The following P4HA3 variants were observed in gnomAD, a reference collection of about 807,000 sequenced individuals.
P4HA3 encodes the protein prolyl 4-hydroxylase subunit alpha 3, also known as prolyl 4-hydroxylase subunit alpha-3.
In P4HA3, 60 loss-of-function variants were observed where a neutral mutation model predicts 66.7. The ratio of observed to expected loss-of-function variants is 0.90; its 90% CI spans 0.73 to 1.12. The LOEUF (loss-of-function observed/expected upper bound fraction) is 1.12, where lower values mean the gene tolerates loss of function less well. P4HA3 is among the 50% of genes most tolerant of loss of function. The pLI is 0.00. For synonymous variants in P4HA3, 263 were observed against 274.6 expected (o/e 0.96, Z 0.42); for missense variants, 683 against 685.8 (o/e 1.00, Z 0.05).
chr11:74,256,563 A>G (rs1423845602), intron 15 of P4HA3, among the ~76,000 whole-genome samples: 2 of 152,142 alleles, frequency 1.3e-5, no homozygotes, highest in African/African-American at 4.8e-5. Flanking sequence ...TTCACTTAAC[A>G]TGGCTTTAAC....
chr11:74,268,833 C>A (rs1453325968), intron 11 of P4HA3, among the ~76,000 whole-genome samples: 1 of 152,164 alleles, frequency 6.6e-6, no homozygotes, highest in Non-Finnish European at 1.5e-5. Flanking sequence ...GTATGTTTTT[C>A]CCCCATACAC....
At chr11:74,307,037 G>C (rs1565424398) in intron 1 of P4HA3, among the ~76,000 whole-genome samples, 1 of 152,092 alleles carries the variant, frequency 6.6e-6, no homozygotes, top group Non-Finnish European at 1.5e-5. Flanking sequence ...GCGGAGACTT[G>C]GGCTTGAGTC....
chr11:74,311,227 C>A, intron 1 of P4HA3, 185 bp downstream of exon 1: 1 of 672,346 alleles, frequency 1.5e-6, no homozygotes, highest in Non-Finnish European at 2.3e-6. Context: ...GGGGGTCACA[C>A]TGGCCCTCAG....
chr11:74,279,726 A>T (rs1860525221), intron 7 of P4HA3, among the ~76,000 whole-genome samples: 1 of 152,216 alleles, frequency 6.6e-6, no homozygotes, highest in South Asian at 2.1e-4. Context: ...GCTGAGTTGA[A>T]TTTAACTGTT....
intron 10 of P4HA3, among the ~76,000 whole-genome samples, chr11:74,271,628 C>T (rs574002878): frequency 6.6e-5 from 10 of 151,942 alleles, no homozygotes; most frequent in South Asian, 2.1e-4. Flanking sequence ...TGCCAAGTAG[C>T]GGGGACTACA....
intron 4 of P4HA3, among the ~76,000 whole-genome samples, chr11:74,291,615 G>A (rs1399759063): frequency 6.6e-5 from 10 of 152,080 alleles, no homozygotes; most frequent in Non-Finnish European, 1.3e-4. Flanking sequence ...TTTGAGATAC[G>A]TCCATCAATA....
intron 5 of P4HA3, chr11:74,287,379 C>T: frequency 8.3e-7 from 1 of 1,203,050 alleles, no homozygotes; most frequent in South Asian, 1.3e-5. Flanking sequence ...AAATTATAAG[C>T]CCAAACCCCA....
At chr11:74,279,016 T>C (rs113090401) in intron 8 of P4HA3, among the ~76,000 whole-genome samples, 1 of 152,178 alleles carries the variant, frequency 6.6e-6, no homozygotes, top group Non-Finnish European at 1.5e-5. Flanking sequence ...TCTTGGCAAG[T>C]CATGCTTTCA....
intron 15 of P4HA3, among the ~76,000 whole-genome samples, chr11:74,258,651 C>G (rs1040306628): frequency 6.6e-6 from 1 of 152,068 alleles, no homozygotes; most frequent in Non-Finnish European, 1.5e-5. Flanking sequence ...AGTCCCACAC[C>G]ATAGCAGAAG....
At chr11:74,257,695 C>CT (rs1218376393) in intron 15 of P4HA3, among the ~76,000 whole-genome samples, 2 of 152,022 alleles carry the variant, frequency 1.3e-5, no homozygotes, top group Non-Finnish European at 2.9e-5. Flanking sequence ...AAGGTCAGGT[C>CT]TTTTTTATAA....
chr11:74,289,578 A>G (rs1053731940), intron 4 of P4HA3, among the ~76,000 whole-genome samples: 5 of 146,860 alleles, frequency 3.4e-5, no homozygotes, highest in African/African-American at 7.5e-5. Flanking sequence ...TATATCTCCT[A>G]AAGCTATCCC....
chr11:74,280,430 G>A (rs932676431), intron 7 of P4HA3, among the ~76,000 whole-genome samples: 1 of 152,178 alleles, frequency 6.6e-6, no homozygotes, highest in African/African-American at 2.4e-5. Flanking sequence ...AAAGTGCTGG[G>A]ATTACAGGAA....
chr11:74,250,901 TAA>T (rs1859641128), intron 15 of P4HA3: 2 of 1,472,370 alleles, frequency 1.4e-6, no homozygotes, highest in East Asian at 4.9e-5. Context: ...TGAGGCTGCA[TAA>T]GAGAGGGCTC....
In P4HA3 at chr11:74,267,280, G is replaced by T. The variant is rs776013583; in HGVS notation, c.1603C>A (p.Arg535Ser). ...KWIHEYGQEF[R>S]RPCSSSPED The stretch of plus-strand genomic sequence containing the variant: ...TCAGGGCTGGAGCTGCAGGGTCTGC[G>T]GAATTCCTGTCCATACTCATGTATC... Residue 535 changes from arginine (R) to serine (S), a missense_variant, in exon 13 of 13, where the codon CGC (arginine) becomes AGC (serine). Coordinates refer to ENST00000331597, the MANE Select transcript of P4HA3 (RefSeq NM_182904.5). 1 of 1,614,080 alleles carries T rather than the reference G, an allele frequency of 6.2e-7. No individual in the cohort carries two copies. The highest frequency in any genetic ancestry group is 1.3e-5 in the African/African-American group (1 of 74,918).
chr11:74,282,107 C>G (rs1351980551), intron 7 of P4HA3, among the ~76,000 whole-genome samples: 1 of 146,612 alleles, frequency 6.8e-6, no homozygotes, highest in Non-Finnish European at 1.5e-5. Context: ...CCCTTCTGTT[C>G]TTTTAGGGCA....
chr11:74,251,110 G>A (rs1859647346), intron 15 of P4HA3: 1 of 1,532,890 alleles, frequency 6.5e-7, no homozygotes, highest in African/African-American at 1.4e-5. Flanking sequence ...AGCCTGCATT[G>A]CCTGCAGCAG....
intron 2 of P4HA3, 25 bp from the exon 3 acceptor site, chr11:74,302,617 C>G: frequency 6.3e-7 from 1 of 1,589,072 alleles, no homozygotes; most frequent in Non-Finnish European, 8.6e-7. Flanking sequence ...AAAACATCAA[C>G]CCAGCATTCA....
intron 5 of P4HA3, among the ~76,000 whole-genome samples, chr11:74,288,200 C>A (rs1463609479): frequency 6.6e-6 from 1 of 152,170 alleles, no homozygotes; most frequent in African/African-American, 2.4e-5. Flanking sequence ...GGAAGCATCT[C>A]CCTCCTGTTT....
intron 5 of P4HA3, chr11:74,286,967 T>C (rs75477975): frequency 0.038 from 17,258 of 453,112 alleles, 352 homozygotes; most frequent in Middle Eastern, 0.098. Context: ...AATTCATTCT[T>C]GGCTCCACTA....
Sources: gnomAD v4.1 joint callset for allele counts (sites outside exome capture counted in the v4.1 genomes callset) on GRCh38, gnomAD v4.1.1 for gene constraint, MANE v1.5 for transcripts, NCBI Gene and HGNC (gene_info 2026-07-23, HGNC 2026-07-21) for gene names.